The following PCNX1 variants were observed in gnomAD, a reference collection of about 807,000 sequenced individuals.
PCNX1 encodes the protein pecanex-like protein 1.
A neutral mutation model predicts 242.2 loss-of-function variants in PCNX1; 78 were observed. The observed-to-expected ratio is 0.32, with a 90% CI of 0.27 to 0.39. The LOEUF is 0.39. PCNX1 is among the 10% of genes least tolerant of loss of function. PCNX1 has a pLI of 1.00. For synonymous variants in PCNX1, 1,024 were observed against 1,032.9 expected, an observed-to-expected ratio of 0.99 and a Z score of 0.17; for missense variants, 2,581 against 2,856.5, an observed-to-expected ratio of 0.90 and a Z score of 2.20.
rs1302297458 is a variant in PCNX1 at position 71,110,366 on chromosome 14, C to T, written c.*431C>T. ...TTTACCTTGATTTTTAAGAACAGAC[C>T]AGTGTAGAAATGTTCCTTTTGACTT... On this transcript the variant is annotated 3_prime_UTR_variant, in exon 36 of 36. Transcript: ENST00000304743. The T allele has an allele frequency of 3.4e-6, 1 of 292,232 alleles. No homozygotes were observed. Among genetic ancestry groups the T allele is most frequent in the Non-Finnish European group, 6.7e-6 (1 of 149,816 alleles). The allele number at this position is 292,232 out of a possible 1,614,324, so 18.1% of individuals were successfully genotyped here. A position where few individuals can be genotyped will look rare whatever the true frequency, so the allele number is the denominator to read the frequency against.
intron 30 of PCNX1, among the ~76,000 whole-genome samples, chr14:71,091,786 A>G (rs1316510163): frequency 1.3e-5 from 2 of 152,258 alleles, no homozygotes; most frequent in Admixed American, 1.3e-4. Context: ...CATAAAGTCA[A>G]CTGTGGTACA....
intron 22 of PCNX1, 109 bp downstream of exon 22, chr14:71,048,093 A>G (rs1010692512): frequency 2.9e-6 from 2 of 694,832 alleles, no homozygotes; most frequent in Non-Finnish European, 4.6e-6. Flanking sequence ...TGTTTAAGTA[A>G]TAACTCTCTT....
At chr14:71,095,352 T>C (rs2062247130) in intron 30 of PCNX1, among the ~76,000 whole-genome samples, 1 of 152,250 alleles carries the variant, frequency 6.6e-6, no homozygotes, top group African/African-American at 2.4e-5. Context: ...TAAATGTTTG[T>C]TTAATGAATG....
At chr14:71,069,772 A>G (rs2061544736) in intron 26 of PCNX1, among the ~76,000 whole-genome samples, 1 of 152,168 alleles carries the variant, frequency 6.6e-6, no homozygotes, top group Non-Finnish European at 1.5e-5. Flanking sequence ...TTGCTGATGG[A>G]GGGTCTTGCC....
chr14:70,937,799 T>C (rs1354489993), intron 1 of PCNX1, among the ~76,000 whole-genome samples: 1 of 152,226 alleles, frequency 6.6e-6, no homozygotes, highest in Non-Finnish European at 1.5e-5. Context: ...TTGTGTCCTT[T>C]TTTATTTCGT....
intron 8 of PCNX1, among the ~76,000 whole-genome samples, chr14:71,008,585 G>A (rs2140503095): frequency 6.6e-6 from 1 of 150,410 alleles, no homozygotes; most frequent in East Asian, 2.0e-4. Context: ...GAACCCGGGA[G>A]GCAGAGCTTG....
chr14:71,068,591 C>CAT lies in PCNX1; in HGVS notation c.4853-4954_4853-4953insAT, dbSNP rs375921556. 7.2e-3 allele frequency among the ~76,000 whole-genome samples: 889 copies of CAT among 124,028 alleles called. 5 individuals carry two copies. Among genetic ancestry groups the CAT allele is most frequent in the African/African-American group, 0.016 (484 of 30,064 alleles). 81.4% of individuals were successfully genotyped at this position (124,028 alleles called of 152,430 possible). On this transcript the variant is annotated intron_variant, in intron 26 of 35. Transcript: ENST00000304743. ...GACTTTTTAGGTTTGTATGTACGTG[C>CAT]GTGTGTGTGTGTGTGTGTGTGTGTG...
At chr14:71,098,553 T>TGTGTGTGAGAGAGAGAGA (rs60367565) in intron 30 of PCNX1, among the ~76,000 whole-genome samples, 4 of 125,736 alleles carry the variant, frequency 3.2e-5, no homozygotes, top group African/African-American at 1.3e-4. Context: ...TGTGTGTGTG[T>TGTGTGTGAGAGAGAGAGA]GAGAGAGAGA....
chr14:70,930,935 G>A (rs2056773998), intron 1 of PCNX1, among the ~76,000 whole-genome samples: 1 of 152,190 alleles, frequency 6.6e-6, no homozygotes, highest in African/African-American at 2.4e-5. Context: ...AATCCCTGGA[G>A]CCATGGCCAT....
At position 71,019,117 on chromosome 14, in the gene PCNX1, C is replaced by A. The variant is rs763933386; in HGVS notation, c.3105C>A (p.Phe1035Leu). The stretch of plus-strand genomic sequence containing the variant: ...GATTCTTCAGAGATATCTGGGTCTT[C>A]CAGTTCTGCCTCGTCATAGCCAGCT... ...IQGFFRDIWV[F>L]QFCLVIASCQ... The change falls in exon 12 of 36, where the codon TTC becomes TTA. Residue 1035 changes from phenylalanine (F) to leucine (L), a missense_variant. By Grantham distance (22) the Phe-to-Leu change is conservative (BLOSUM62 0). Transcript: ENST00000304743. The A allele has an allele frequency of 5.6e-6, 9 of 1,612,732 alleles. No homozygotes were observed. Among genetic ancestry groups the A allele is most frequent in the South Asian group, 1.1e-5 (1 of 90,870 alleles).
chr14:71,050,623 TACTGACA>T, intron 22 of PCNX1, 22 bp from the exon 23 acceptor site: 1 of 1,538,812 alleles, frequency 6.5e-7, no homozygotes, highest in Non-Finnish European at 8.7e-7. Flanking sequence ...TTTTTTTTTT[TACTGACA>T]GCCATTCTTT....
chr14:70,984,077 G>T (rs2058925441), intron 6 of PCNX1, among the ~76,000 whole-genome samples: 1 of 151,062 alleles, frequency 6.6e-6, no homozygotes, highest in Admixed American at 6.6e-5. Flanking sequence ...CTTTTTCTGA[G>T]ATATATATAT....
intron 26 of PCNX1, among the ~76,000 whole-genome samples, chr14:71,065,577 C>T: frequency 6.6e-6 from 1 of 152,182 alleles, no homozygotes; most frequent in South Asian, 2.1e-4. Flanking sequence ...GTTGCCTGCT[C>T]ACTCTAATGA....
intron 28 of PCNX1, among the ~76,000 whole-genome samples, chr14:71,087,581 G>T (rs1485215764): frequency 6.6e-6 from 1 of 152,132 alleles, no homozygotes; most frequent in African/African-American, 2.4e-5. Flanking sequence ...TCCAGAATTT[G>T]ATTTCAGAGA....
chr14:70,949,241 ACACACGTGTATACACACACACGTGTATG>A (rs2057640133), intron 2 of PCNX1, among the ~76,000 whole-genome samples: 1 of 116,004 alleles, frequency 8.6e-6, no homozygotes, highest in Non-Finnish European at 1.8e-5. Flanking sequence ...ATGTGTATAT[ACACACGTGTATACACACACACGTGTATG>A]CACACACGTG....
chr14:71,009,560 C>G (rs192906325), intron 8 of PCNX1, 74 bp from the exon 9 acceptor site: 60 of 836,444 alleles, frequency 7.2e-5, no homozygotes, highest in Admixed American at 2.0e-4. Flanking sequence ...TAGAAACTTA[C>G]GAAATTTAGT....
chr14:70,921,117 C>T (rs757773334), intron 1 of PCNX1, among the ~76,000 whole-genome samples: 6 of 152,124 alleles, frequency 3.9e-5, no homozygotes, highest in Non-Finnish European at 5.9e-5. Context: ...TTATAACATT[C>T]TTGGTATGTA....
At chr14:70,955,326 TTTG>T (rs2057951264) in intron 2 of PCNX1, among the ~76,000 whole-genome samples, 1 of 152,190 alleles carries the variant, frequency 6.6e-6, no homozygotes, top group South Asian at 2.1e-4. Flanking sequence ...GAGAGATTAT[TTTG>T]TTTAGGAACT....
intron 11 of PCNX1, among the ~76,000 whole-genome samples, chr14:71,017,400 G>A (rs1308000272): frequency 1.3e-5 from 2 of 152,120 alleles, no homozygotes; most frequent in East Asian, 3.9e-4. Flanking sequence ...TTAGGAGGCT[G>A]AGGTGAGACG....
Sources: gnomAD v4.1 joint callset for allele counts (sites outside exome capture counted in the v4.1 genomes callset) on GRCh38, gnomAD v4.1.1 for gene constraint, MANE v1.5 for transcripts, NCBI Gene and HGNC (gene_info 2026-07-23, HGNC 2026-07-21) for gene names.